The following ADAMTS18 variants were observed in gnomAD, a reference collection of about 807,000 sequenced individuals.
ADAMTS18 encodes the protein A disintegrin and metalloproteinase with thrombospondin motifs 18.
In ADAMTS18, 157 loss-of-function variants were observed where a neutral mutation model predicts 165.9. That is an observed-to-expected ratio of 0.95 (90% confidence interval 0.83 to 1.08). The LOEUF (loss-of-function observed/expected upper bound fraction) is 1.08, where lower values mean the gene tolerates loss of function less well. Ranked by LOEUF, ADAMTS18 falls within the 50% of genes least tolerant of loss-of-function variation. ADAMTS18 has a pLI of 0.00. For synonymous variants in ADAMTS18, 782 were observed against 578.2 expected (o/e 1.35, Z -5.06); for missense variants, 2,040 against 1,534.0 (o/e 1.33, Z -5.51).
intron 3 of ADAMTS18, among the ~76,000 whole-genome samples, chr16:77,380,356 A>C (rs544457518): frequency 6.6e-6 from 1 of 152,220 alleles, no homozygotes; most frequent in Non-Finnish European, 1.5e-5. Context: ...TGATTTAGCT[A>C]ATTATAATCT....
rs749801026 is a variant in ADAMTS18 at position 77,362,194 on chromosome 16, A to G, written c.1127T>C (p.Ile376Thr). Residue 376 changes from isoleucine to threonine, a missense_variant, in exon 7 of 23, where the codon ATT becomes ACT. Ile to Thr is a moderately conservative substitution (Grantham distance 89). Transcript: ENST00000282849. ...ATCATGTCTCTTGCCATTCTTTCCAATGAGGGCAGACTGCCATTGACAAAA... is the reference window on the plus strand; with the variant it reads ...ATCATGTCTCTTGCCATTCTTTCCAGTGAGGGCAGACTGCCATTGACAAAA... ...NSFCQWQSAL[I>T]GKNGKRHDHA... is the part of the protein sequence containing the mutation. 2 of 1,614,132 alleles carry G rather than the reference A, an allele frequency of 1.2e-6. No individual in the cohort carries two copies. The highest frequency in any genetic ancestry group is 8.5e-7 in the Non-Finnish European group (1 of 1,180,016).
chr16:77,382,551 C>A (rs2057047047), intron 3 of ADAMTS18, among the ~76,000 whole-genome samples: 1 of 152,168 alleles, frequency 6.6e-6, no homozygotes, highest in African/African-American at 2.4e-5. Flanking sequence ...AGCTACATGA[C>A]CTTTACAAGT....
At chr16:77,343,904 A>G (rs1019024000) in intron 10 of ADAMTS18, among the ~76,000 whole-genome samples, 23 of 152,130 alleles carry the variant, frequency 1.5e-4, no homozygotes, top group Non-Finnish European at 2.6e-4. Flanking sequence ...AAATATAAGC[A>G]ACCAGAGAGG....
At chr16:77,355,013 G>A (rs569514367) in intron 9 of ADAMTS18, among the ~76,000 whole-genome samples, 3 of 152,094 alleles carry the variant, frequency 2.0e-5, no homozygotes, top group Non-Finnish European at 2.9e-5. Flanking sequence ...ATATCTTCAC[G>A]TTTAATATGC....
In ADAMTS18 at chr16:77,335,881, T is replaced by C. The variant is rs1054442875; in HGVS notation, c.1734A>G (p.Val578=). 6 of 1,614,064 alleles carry C rather than the reference T, an allele frequency of 3.7e-6. No homozygotes were observed. The highest frequency in any genetic ancestry group is 5.1e-6 in the Non-Finnish European group (6 of 1,180,040). The stretch of plus-strand genomic sequence containing the variant: ...GCCGGGGCCCGAGCTCCCCAAACTT[T>C]ACGCACTGGCCTTGCCGACACCACT... ...LSMWCRQGQC[V]KFGELGPRPI... Residue 578 remains valine (V), a synonymous_variant, in exon 12 of 23, where the codon GTA becomes GTG. Coordinates refer to ENST00000282849, the MANE Select transcript of ADAMTS18 (RefSeq NM_199355.4).
chr16:77,419,610 C>A (rs894624804), intron 3 of ADAMTS18, among the ~76,000 whole-genome samples: 1 of 152,260 alleles, frequency 6.6e-6, no homozygotes, highest in Admixed American at 6.5e-5. Context: ...GTTAACCAAT[C>A]TGCAGTCATG....
At chr16:77,375,934 G>A (rs2056945269) in intron 3 of ADAMTS18, among the ~76,000 whole-genome samples, 2 of 105,728 alleles carry the variant, frequency 1.9e-5, no homozygotes. Flanking sequence ...ACGGAGTTTG[G>A]CTCTTGTTGC....
At chr16:77,403,035 C>T (rs180954401) in intron 3 of ADAMTS18, among the ~76,000 whole-genome samples, 6 of 152,238 alleles carry the variant, frequency 3.9e-5, no homozygotes, top group Admixed American at 2.6e-4. Flanking sequence ...CTATATTAAC[C>T]GCTTATTATG....
chr16:77,366,527 C>A (rs775751965), intron 4 of ADAMTS18, among the ~76,000 whole-genome samples: 18 of 152,112 alleles, frequency 1.2e-4, no homozygotes, highest in Non-Finnish European at 1.9e-4. Flanking sequence ...CCACTTCACT[C>A]CAGCCTGGGC....
intron 12 of ADAMTS18, among the ~76,000 whole-genome samples, chr16:77,333,413 TA>T (rs2056222769): frequency 6.6e-6 from 1 of 151,278 alleles, no homozygotes; most frequent in Non-Finnish European, 1.5e-5. Context: ...CATGGCGCTA[TA>T]TACCTATATA....
chr16:77,403,391 T>G (rs114871417), intron 3 of ADAMTS18, among the ~76,000 whole-genome samples: 1 of 152,156 alleles, frequency 6.6e-6, no homozygotes, highest in African/African-American at 2.4e-5. Flanking sequence ...TCACAACAAT[T>G]TTATCAAGTG....
At chr16:77,293,922 A>G (rs190303231) in intron 19 of ADAMTS18, among the ~76,000 whole-genome samples, 1 of 151,946 alleles carries the variant, frequency 6.6e-6, no homozygotes, top group East Asian at 1.9e-4. Context: ...ACAAACAGGT[A>G]CTTGTTCATG....
intron 10 of ADAMTS18, among the ~76,000 whole-genome samples, chr16:77,346,859 T>A (rs911517517): frequency 6.6e-6 from 1 of 151,746 alleles, no homozygotes; most frequent in Non-Finnish European, 1.5e-5. Context: ...ATTTTAAGTG[T>A]ACTGTTCCAT....
chr16:77,374,554 T>A (rs544202358), intron 3 of ADAMTS18, among the ~76,000 whole-genome samples: 5 of 152,078 alleles, frequency 3.3e-5, no homozygotes, highest in African/African-American at 9.6e-5. Context: ...CCTCACAGAA[T>A]AGAAGGAAAA....
chr16:77,302,781 C>T (rs895221498), intron 16 of ADAMTS18, among the ~76,000 whole-genome samples: 21 of 152,204 alleles, frequency 1.4e-4, no homozygotes, highest in African/African-American at 5.1e-4. Context: ...TCCCCTTTCA[C>T]CTTTTAGACA....
intron 3 of ADAMTS18, among the ~76,000 whole-genome samples, chr16:77,375,890 C>CTTTTTTTTTTTTTTTT (rs200629744): frequency 1.5e-4 from 14 of 93,902 alleles, no homozygotes; most frequent in South Asian, 4.3e-4. Context: ...TCTTTCTTTC[C>CTTTTTTTTTTTTTTTT]TTTTTTTTTT....
intron 3 of ADAMTS18, among the ~76,000 whole-genome samples, chr16:77,398,416 C>T (rs2057286645): frequency 6.6e-6 from 1 of 152,110 alleles, no homozygotes; most frequent in Non-Finnish European, 1.5e-5. Context: ...GTATAACAAT[C>T]ACACACGACA....
chr16:77,427,385 T>C (rs2057686960), intron 3 of ADAMTS18, among the ~76,000 whole-genome samples: 1 of 152,232 alleles, frequency 6.6e-6, no homozygotes, highest in South Asian at 2.1e-4. Context: ...ATTTTAAGAC[T>C]GTGGTTCAAC....
intron 2 of ADAMTS18, among the ~76,000 whole-genome samples, chr16:77,432,259 C>T (rs1019324541): frequency 2.0e-5 from 3 of 152,182 alleles, no homozygotes; most frequent in Admixed American, 6.5e-5. Flanking sequence ...CAGGGATGAT[C>T]CCATTTAATT....
Sources: allele counts gnomAD v4.1 joint callset (sites outside exome capture counted in the v4.1 genomes callset), GRCh38; gene constraint gnomAD v4.1.1; transcripts MANE v1.5; gene names NCBI Gene and HGNC (gene_info 2026-07-23, HGNC 2026-07-21).